MCTP2: variants seen among roughly 807,000 people sequenced by gnomAD.
The protein encoded by MCTP2 is multiple C2 and transmembrane domain containing 2.
MCTP2 carries 132 observed loss-of-function variants against 111.6 expected under a neutral mutation model. The ratio of observed to expected loss-of-function variants is 1.18; its 90% CI spans 1.03 to 1.37. The LOEUF (loss-of-function observed/expected upper bound fraction) is 1.37. Among genes scored for constraint, MCTP2 ranks in the 40% most tolerant of loss-of-function variants. MCTP2 has a pLI of 0.00. For synonymous variants in MCTP2, 395 were observed against 387.7 expected, an observed-to-expected ratio of 1.02 and a Z score of -0.22; for missense variants, 1,183 against 1,067.9, an observed-to-expected ratio of 1.11 and a Z score of -1.50.
chr15:94,309,836 T>G (rs1388134451), intron 2 of MCTP2, among the ~76,000 whole-genome samples: 1 of 152,194 alleles, frequency 6.6e-6, no homozygotes, highest in Non-Finnish European at 1.5e-5. Flanking sequence ...AATGCAAAGT[T>G]GCTTTTATTT....
At chr15:94,245,678 G>A (rs1198747217) in intron 1 of MCTP2, among the ~76,000 whole-genome samples, 1 of 144,458 alleles carries the variant, frequency 6.9e-6, no homozygotes, top group Admixed American at 7.0e-5. Flanking sequence ...ATATACATAT[G>A]TATGTGTATA....
At chr15:94,322,696 C>G (rs1377284463) in intron 4 of MCTP2, among the ~76,000 whole-genome samples, 1 of 152,164 alleles carries the variant, frequency 6.6e-6, no homozygotes, top group East Asian at 1.9e-4. Flanking sequence ...AGGCAGTCAT[C>G]AAGAGTTGAG....
intron 20 of MCTP2, among the ~76,000 whole-genome samples, chr15:94,463,373 G>A (rs867617546): frequency 4.6e-5 from 7 of 152,010 alleles, no homozygotes; most frequent in Non-Finnish European, 1.0e-4. Flanking sequence ...AGTTTAAATG[G>A]CATCTTTTCT....
At chr15:94,458,759 T>C (rs1425454505) in intron 20 of MCTP2, among the ~76,000 whole-genome samples, 3 of 152,196 alleles carry the variant, frequency 2.0e-5, no homozygotes, top group African/African-American at 7.2e-5. Flanking sequence ...TCTGTGGCCC[T>C]TTATAGAGAA....
intron 1 of MCTP2, among the ~76,000 whole-genome samples, chr15:94,248,760 C>T (rs979822464): frequency 6.6e-6 from 1 of 152,172 alleles, no homozygotes; most frequent in Non-Finnish European, 1.5e-5. Flanking sequence ...CCAAAACAGA[C>T]AGTGAGGCTT....
rs768809421 is a variant in MCTP2 at position 94,384,137 on chromosome 15, G to T, written c.1685+13G>T. 1.3e-6 allele frequency: 2 copies of T among 1,582,778 alleles called. No homozygotes were observed. Among genetic ancestry groups the T allele is most frequent in the Admixed American group, 3.3e-5 (2 of 59,792 alleles). On this transcript the variant is annotated intron_variant, in intron 13 of 22. Transcript: ENST00000357742. ...AAGTTTTTACATTGTAAGTGCTTTA[G>T]CCTCTGGAATTATTTCTGCTGTGCT... is the stretch of plus-strand genomic sequence containing the variant.
chr15:94,333,132 G>A (rs1337144995), intron 4 of MCTP2, among the ~76,000 whole-genome samples: 2 of 152,182 alleles, frequency 1.3e-5, no homozygotes, highest in Non-Finnish European at 2.9e-5. Context: ...CTACTTGGGA[G>A]TCTGAGGCAG....
intron 1 of MCTP2, among the ~76,000 whole-genome samples, chr15:94,295,152 G>A (rs2075212712): frequency 6.6e-6 from 1 of 151,808 alleles, no homozygotes; most frequent in South Asian, 2.1e-4. Flanking sequence ...ATTCTGCCAT[G>A]TTGGCCAGGC....
At chr15:94,463,397 TCTAC>T (rs1338546740) in intron 20 of MCTP2, among the ~76,000 whole-genome samples, 1 of 152,226 alleles carries the variant, frequency 6.6e-6, no homozygotes, top group African/African-American at 2.4e-5. Flanking sequence ...CGTTTCATTT[TCTAC>T]CTGTTACTCA....
chr15:94,302,099 G>A (rs2075644074), intron 2 of MCTP2, among the ~76,000 whole-genome samples: 1 of 152,130 alleles, frequency 6.6e-6, no homozygotes, highest in South Asian at 2.1e-4. Context: ...CTTTCCAGAG[G>A]GGTCAGGCAA....
intron 14 of MCTP2, among the ~76,000 whole-genome samples, chr15:94,387,800 C>T (rs1041180983): frequency 2.0e-5 from 3 of 152,144 alleles, no homozygotes; most frequent in Admixed American, 2.0e-4. Flanking sequence ...GGGAAGGGCA[C>T]TTTTTTCCAG....
intron 1 of MCTP2, among the ~76,000 whole-genome samples, chr15:94,260,866 C>T (rs1205033038): frequency 1.3e-5 from 2 of 152,134 alleles, no homozygotes. Flanking sequence ...TTATACCCTC[C>T]TCCCTTTTGG....
chr15:94,293,254 C>T (rs1358433905), intron 1 of MCTP2, among the ~76,000 whole-genome samples: 1 of 152,064 alleles, frequency 6.6e-6, no homozygotes, highest in Non-Finnish European at 1.5e-5. Flanking sequence ...AAAGGCACTA[C>T]TAAGAATGAG....
intron 21 of MCTP2, among the ~76,000 whole-genome samples, chr15:94,473,298 T>G (rs1012804469): frequency 3.3e-5 from 5 of 152,224 alleles, no homozygotes; most frequent in Non-Finnish European, 7.3e-5. Context: ...GTAAGAGATC[T>G]TTAATGAGTT....
At chr15:94,394,754 G>C (rs368487990) in intron 14 of MCTP2, among the ~76,000 whole-genome samples, 18 of 151,898 alleles carry the variant, frequency 1.2e-4, no homozygotes, top group East Asian at 9.7e-4. Flanking sequence ...GACAGGGTGA[G>C]ACTCCATCTC....
At chr15:94,265,097 A>G (rs747215419) in intron 1 of MCTP2, among the ~76,000 whole-genome samples, 1 of 152,126 alleles carries the variant, frequency 6.6e-6, no homozygotes, top group East Asian at 1.9e-4. Context: ...GTCTCATTAC[A>G]CTCAGAATCT....
chr15:94,340,352 G>A, intron 6 of MCTP2, 77 bp downstream of exon 6: 1 of 1,023,976 alleles, frequency 9.8e-7, no homozygotes, highest in South Asian at 1.3e-5. Context: ...GGTGCTTGTT[G>A]AGGTCAAATG....
At chr15:94,270,366 A>T (rs1214984227) in intron 1 of MCTP2, among the ~76,000 whole-genome samples, 6 of 152,210 alleles carry the variant, frequency 3.9e-5, no homozygotes, top group African/African-American at 7.2e-5. Flanking sequence ...ATTTCTGATG[A>T]TGTATGTAAA....
rs780161489 is a variant in MCTP2, at chr15:94,314,276, T to A, written c.466-6T>A. On this transcript the variant is annotated splice_polypyrimidine_tract_variant and splice_region_variant and intron_variant, in intron 2 of 22. Transcript: ENST00000357742. The stretch of plus-strand genomic sequence containing the variant: ...AAAGCAGATTTTTTTTTCTTTTTCT[T>A]TGCAGAAGCTATGTGGAAGCAGTGA... The A allele has an allele frequency of 1.9e-6, 3 of 1,602,440 alleles. No homozygotes were observed. The highest frequency in any genetic ancestry group is 1.7e-6 in the Non-Finnish European group (2 of 1,174,558).
Sources: allele counts gnomAD v4.1 joint callset (sites outside exome capture counted in the v4.1 genomes callset), GRCh38; gene constraint gnomAD v4.1.1; transcripts MANE v1.5; gene names NCBI Gene and HGNC (gene_info 2026-07-23, HGNC 2026-07-21).